The following ERBB4 variants were observed in gnomAD, a reference collection of about 807,000 sequenced individuals.
ERBB4 encodes the protein erb-b2 receptor tyrosine kinase 4.
A neutral mutation model predicts 158.0 loss-of-function variants in ERBB4; 42 were observed. That is an observed-to-expected ratio of 0.27 (90% CI 0.21 to 0.34). The LOEUF is 0.34. ERBB4 is among the 10% of genes least tolerant of loss of function. ERBB4 has a pLI of 1.00. For synonymous variants in ERBB4, 583 were observed against 558.7 expected, an observed-to-expected ratio of 1.04 and a Z score of -0.61; for missense variants, 1,333 against 1,624.1, an observed-to-expected ratio of 0.82 and a Z score of 3.08.
At chr2:211,862,442 G>A (rs2078083885) in intron 3 of ERBB4, among the ~76,000 whole-genome samples, 1 of 151,224 alleles carries the variant, frequency 6.6e-6, no homozygotes, top group Non-Finnish European at 1.5e-5. Context: ...GATGAGAAAA[G>A]GCAATTTTCC....
intron 2 of ERBB4, among the ~76,000 whole-genome samples, chr2:211,972,411 T>C (rs1034582040): frequency 9.2e-5 from 14 of 152,198 alleles, no homozygotes; most frequent in African/African-American, 3.1e-4. Flanking sequence ...TATTTTAAAA[T>C]GCATGTGGAA....
chr2:212,175,754 T>G (rs1266022416), intron 1 of ERBB4, among the ~76,000 whole-genome samples: 2 of 151,918 alleles, frequency 1.3e-5, no homozygotes, highest in Non-Finnish European at 1.5e-5. Context: ...TAGAATAAAA[T>G]TGAGGCTCAT....
At chr2:211,905,736 ATG>A (rs201095879) in intron 3 of ERBB4, among the ~76,000 whole-genome samples, 8 of 90,182 alleles carry the variant, frequency 8.9e-5, no homozygotes, top group African/African-American at 2.4e-4. Context: ...ATGTGTGTGC[ATG>A]TGTGTGTATA....
chr2:211,605,585 T>G (rs987094790), intron 19 of ERBB4, among the ~76,000 whole-genome samples: 2 of 152,082 alleles, frequency 1.3e-5, no homozygotes, highest in African/African-American at 4.8e-5. Context: ...AAGTGTGTCA[T>G]CCTGAAGGTA....
At chr2:211,705,043 A>G (rs1248375341) in intron 10 of ERBB4, among the ~76,000 whole-genome samples, 5 of 152,016 alleles carry the variant, frequency 3.3e-5, no homozygotes, top group Admixed American at 1.3e-4. Context: ...TGCAATCTCC[A>G]CCTCCTGGGT....
intron 3 of ERBB4, among the ~76,000 whole-genome samples, chr2:211,880,277 T>G (rs1165448505): frequency 1.3e-5 from 2 of 152,186 alleles, no homozygotes; most frequent in East Asian, 3.9e-4. Flanking sequence ...CGCTAGATCT[T>G]CTGTTTTTCC....
At chr2:212,304,100 T>C (rs755071474) in intron 1 of ERBB4, among the ~76,000 whole-genome samples, 2 of 151,492 alleles carry the variant, frequency 1.3e-5, no homozygotes, top group Non-Finnish European at 3.0e-5. Flanking sequence ...AGCAATTTTG[T>C]TGTGGAGAAT....
chr2:211,836,261 C>T (rs1156868264), intron 3 of ERBB4, among the ~76,000 whole-genome samples: 2 of 151,996 alleles, frequency 1.3e-5, no homozygotes, highest in African/African-American at 2.4e-5. Flanking sequence ...TACAGTTTTA[C>T]TCATGGATAA....
At chr2:211,528,060 G>C (rs897292689) in intron 20 of ERBB4, among the ~76,000 whole-genome samples, 3 of 151,982 alleles carry the variant, frequency 2.0e-5, no homozygotes, top group African/African-American at 7.2e-5. Context: ...TCAAAAGACA[G>C]AGTGGCTGCA....
At chr2:211,612,614 C>T (rs1361356646) in intron 19 of ERBB4, among the ~76,000 whole-genome samples, 1 of 151,828 alleles carries the variant, frequency 6.6e-6, no homozygotes, top group Non-Finnish European at 1.5e-5. Context: ...GAAAGAAAGT[C>T]AGTGAAGAGA....
chr2:212,315,993 TA>T (rs2087257072), intron 1 of ERBB4, among the ~76,000 whole-genome samples: 1 of 151,352 alleles, frequency 6.6e-6, no homozygotes, highest in South Asian at 2.1e-4. Context: ...TATGAGGAAG[TA>T]AAAAGCTAAA....
chr2:211,651,290 C>G (rs532301420), intron 16 of ERBB4, among the ~76,000 whole-genome samples: 5 of 152,060 alleles, frequency 3.3e-5, no homozygotes, highest in Non-Finnish European at 5.9e-5. Flanking sequence ...CATAGATGTG[C>G]CTTTATATGG....
Position 211,978,396 on chromosome 2 carries a change from G to GTCTATCTATCTATCTA in ERBB4, c.235-30796_235-30781dup, listed in dbSNP as rs151243480. ...TGTCTGTCTGTCTGTCTGTCTGTCT[G>GTCTATCTATCTATCTA]TCTATCTATCTATCTATCTATCTAT... On this transcript the variant is annotated intron_variant, in intron 2 of 27. Transcript: ENST00000342788. Among the ~76,000 whole-genome samples, 539 of 136,630 alleles carry GTCTATCTATCTATCTA rather than the reference G, an allele frequency of 3.9e-3. 3 individuals are homozygous for GTCTATCTATCTATCTA. The highest frequency in any genetic ancestry group is 0.01 in the South Asian group (41 of 3,912). 89.6% of individuals were successfully genotyped at this position (136,630 alleles called of 152,430 possible). A position where few individuals can be genotyped will look rare whatever the true frequency, so the allele number is the denominator to read the frequency against.
chr2:212,441,695 A>C (rs2092257524), intron 1 of ERBB4, among the ~76,000 whole-genome samples: 1 of 152,038 alleles, frequency 6.6e-6, no homozygotes, highest in Admixed American at 6.6e-5. Context: ...GGGGAGTTAA[A>C]AAAAAAAGGT....
chr2:211,825,422 C>A (rs2077080625), intron 3 of ERBB4, among the ~76,000 whole-genome samples: 1 of 151,724 alleles, frequency 6.6e-6, no homozygotes, highest in Non-Finnish European at 1.5e-5. Context: ...TGAATTCAAG[C>A]TTTTATTATT....
intron 19 of ERBB4, among the ~76,000 whole-genome samples, chr2:211,565,353 C>A (rs1242006465): frequency 1.3e-5 from 2 of 151,988 alleles, no homozygotes; most frequent in Non-Finnish European, 2.9e-5. Context: ...AGGTACATAA[C>A]CATTGCTGGT....
In ERBB4 at chr2:211,517,283, G is replaced by A. The variant is rs533409367; in HGVS notation, c.2487+44620C>T. Among the ~76,000 whole-genome samples, 38 of 152,102 alleles carry A rather than the reference G, an allele frequency of 2.5e-4. 1 individual carries two copies. The South Asian group carries it at 6.4e-3, about 26-fold the overall frequency. ...ACTAAATATCCTTATCTGAAATAGTGATAATGATACCTTCTCATTCAATTT... is the reference window on the plus strand; with the variant it reads ...ACTAAATATCCTTATCTGAAATAGTAATAATGATACCTTCTCATTCAATTT... On this transcript the variant is annotated intron_variant, in intron 20 of 27. Transcript: ENST00000342788.
At chr2:211,579,164 A>AT (rs764672824) in intron 19 of ERBB4, among the ~76,000 whole-genome samples, 12 of 152,218 alleles carry the variant, frequency 7.9e-5, no homozygotes, top group Non-Finnish European at 1.5e-4. Flanking sequence ...ACTTCTCAAT[A>AT]TAAGACATTC....
At chr2:212,348,200 G>A (rs2106334761) in intron 1 of ERBB4, among the ~76,000 whole-genome samples, 1 of 152,266 alleles carries the variant, frequency 6.6e-6, no homozygotes, top group Admixed American at 6.5e-5. Context: ...ACACCTGGGT[G>A]CTTCATTACC....
Sources: allele counts gnomAD v4.1 joint callset (sites outside exome capture counted in the v4.1 genomes callset), GRCh38; gene constraint gnomAD v4.1.1; transcripts MANE v1.5; gene names NCBI Gene and HGNC (gene_info 2026-07-23, HGNC 2026-07-21).